The following AFG3L2 variants were observed in gnomAD, a reference collection of about 807,000 sequenced individuals.
The protein encoded by AFG3L2 is mitochondrial inner membrane m-AAA protease component AFG3L2.
In AFG3L2, 54 loss-of-function variants were observed where a neutral mutation model predicts 94.5. The ratio of observed to expected loss-of-function variants is 0.57; its 90% CI spans 0.46 to 0.72. The LOEUF (loss-of-function observed/expected upper bound fraction) is 0.72. Ranked by LOEUF, AFG3L2 falls within the 30% of genes least tolerant of loss-of-function variation. The pLI, the probability that AFG3L2 is intolerant of heterozygous loss-of-function variation, is 0.00. For synonymous variants in AFG3L2, 377 were observed against 365.5 expected (o/e 1.03, Z -0.36); for missense variants, 754 against 994.9 (o/e 0.76, Z 3.26).
intron 16 of AFG3L2, among the ~76,000 whole-genome samples, chr18:12,336,592 T>C (rs778334585): frequency 4.6e-5 from 7 of 152,330 alleles, no homozygotes; most frequent in African/African-American, 1.4e-4. Context: ...CTTTCTCTAC[T>C]GCAATTCCCC....
In AFG3L2 at chr18:12,337,495, G is replaced by T. The variant is rs1159411980; in HGVS notation, c.2021C>A (p.Ser674Tyr). The change falls in exon 16 of 17, where the codon TCC (serine) becomes TAC (tyrosine). Residue 674 changes from serine (S) to tyrosine (Y), a missense_variant. By Grantham distance (144) the Ser-to-Tyr change is moderately radical. Around this residue, in one of 4 missense-constraint regions of AFG3L2, gnomAD observed 279 missense variants for 378.6 expected, o/e 0.74. Coordinates refer to ENST00000269143, the MANE Select transcript of AFG3L2 (RefSeq NM_006796.3). ...FGMNEKVGQISFDLPRQGDMV... is the reference protein window; with the variant it reads ...FGMNEKVGQIYFDLPRQGDMV... ...GTCCCCCTGACGTGGGAGGTCAAAG[G>T]AGATTTGCCCAACCTTTTCATTCAT... 17 of 1,614,100 alleles carry T rather than the reference G, an allele frequency of 1.1e-5. No homozygotes were observed. Among genetic ancestry groups the T allele is most frequent in the Non-Finnish European group, 1.4e-5 (17 of 1,180,046 alleles).
intron 9 of AFG3L2, 52 bp from the exon 10 acceptor site, chr18:12,353,210 CTGAATAAGAAA>C (rs1245512293): frequency 6.2e-7 from 1 of 1,606,278 alleles, no homozygotes; most frequent in Non-Finnish European, 8.5e-7. Context: ...TATGTATTCT[CTGAATAAGAAA>C]TGAAATAAAT....
intron 6 of AFG3L2, among the ~76,000 whole-genome samples, 166 bp downstream of exon 6, chr18:12,363,616 C>T (rs983030987): frequency 9.2e-5 from 14 of 152,152 alleles, no homozygotes; most frequent in African/African-American, 3.1e-4. Flanking sequence ...CCATACACAA[C>T]ATTCCCATTT....
chr18:12,374,920 G>A (rs1447386542), intron 1 of AFG3L2, among the ~76,000 whole-genome samples: 1 of 152,000 alleles, frequency 6.6e-6, no homozygotes, highest in Non-Finnish European at 1.5e-5. Flanking sequence ...GCCAGGCGTA[G>A]TGGCGGGCGC....
chr18:12,356,298 T>G (rs111435245), intron 9 of AFG3L2, among the ~76,000 whole-genome samples: 1 of 152,090 alleles, frequency 6.6e-6, no homozygotes, highest in Non-Finnish European at 1.5e-5. Context: ...ATTATAGGCA[T>G]GCGCGACCAC....
At position 12,366,957 on chromosome 18, in the gene AFG3L2, ATACT is replaced by A. The variant is rs1460794862; in HGVS notation, c.552+4_552+7del. 6.2e-7 allele frequency: 1 copy of A among 1,614,132 alleles called. No individual in the cohort carries two copies. The highest frequency in any genetic ancestry group is 8.5e-7 in the Non-Finnish European group (1 of 1,179,986). On this transcript the variant is annotated splice_donor_5th_base_variant and intron_variant, in intron 5 of 16. Coordinates refer to ENST00000269143, the MANE Select transcript of AFG3L2 (RefSeq NM_006796.3). ...CCACAACAGCCACCAATCCCATAAA[ATACT>A]TACTACTCCTTTTGAAAGATAGTTA...
intron 2 of AFG3L2, among the ~76,000 whole-genome samples, 184 bp from the exon 3 acceptor site, chr18:12,371,110 C>T (rs974568537): frequency 6.6e-6 from 1 of 151,912 alleles, no homozygotes. Context: ...GTCAGGAGTT[C>T]GAGACCAGCC....
chr18:12,364,552 A>G (rs1334277485), intron 5 of AFG3L2, among the ~76,000 whole-genome samples: 1 of 152,210 alleles, frequency 6.6e-6, no homozygotes, highest in Non-Finnish European at 1.5e-5. Context: ...TATAGGACAT[A>G]GCCTATCGCT....
chr18:12,348,424 C>A lies in AFG3L2; in HGVS notation c.1553-41G>T, dbSNP rs750957763. 6 of 1,503,940 alleles carry A rather than the reference C, an allele frequency of 4.0e-6. No individual in the cohort carries two copies. The African/African-American group carries it at 8.3e-5, about 21-fold the overall frequency. 93.2% of individuals were successfully genotyped at this position (1,503,940 alleles called of 1,614,324 possible). A position where few individuals can be genotyped will look rare whatever the true frequency, so the allele number is the denominator to read the frequency against. On this transcript the variant is annotated intron_variant, in intron 12 of 16. Transcript: ENST00000269143. ...AGAACAGCTTACCCACCGAAATACG[C>A]CCAAACTGATCAGTCACACAATATG... is the stretch of plus-strand genomic sequence containing the variant.
rs754307169 is a variant in AFG3L2, at chr18:12,337,412, G to A, written c.2104C>T (p.Arg702Ter). 14 of 1,613,850 alleles carry A rather than the reference G, an allele frequency of 8.7e-6. No homozygotes were observed. The highest frequency in any genetic ancestry group is 2.2e-5 in the East Asian group (1 of 44,886). ...ATARLIDDEV[R>*]ILINDAYKRT... is the part of the protein sequence containing the mutation. ...TTATAAGCATCATTAATAAGTATTC[G>A]TACTTCATCATCTATCAATCTTGCA... Residue 702 changes from arginine to a stop codon, truncating the protein, a stop_gained, in exon 16 of 17, where the codon CGA becomes TGA. Coordinates refer to ENST00000269143, the MANE Select transcript of AFG3L2 (RefSeq NM_006796.3). LOFTEE classifies it high-confidence loss of function.
intron 5 of AFG3L2, 120 bp from the exon 6 acceptor site, chr18:12,363,976 T>A: frequency 3.7e-6 from 3 of 810,898 alleles, no homozygotes; most frequent in South Asian, 1.4e-5. Context: ...AAGAATCAGA[T>A]AAAGATGCCC....
intron 9 of AFG3L2, 130 bp from the exon 10 acceptor site, chr18:12,353,288 G>A (rs1908380385): frequency 9.1e-7 from 1 of 1,104,236 alleles, no homozygotes; most frequent in Admixed American, 2.0e-5. Flanking sequence ...GCCGAGGCTG[G>A]TGGATCACCT....
intron 14 of AFG3L2, 56 bp downstream of exon 14, chr18:12,344,076 C>A (rs1422975686): frequency 4.9e-6 from 7 of 1,428,356 alleles, no homozygotes; most frequent in South Asian, 1.1e-5. Flanking sequence ...TGAGTGACTG[C>A]AGCGAGCATC....
Position 12,358,963 on chromosome 18 carries a change from C to A in AFG3L2, c.753-20G>T, listed in dbSNP as rs1419231346. ...AAAGAGCTGGGGACACACAGCGCAA[C>A]ACGGGTTAGGACTGGCTGCTCACCT... On this transcript the variant is annotated intron_variant, in intron 7 of 16. Coordinates refer to ENST00000269143, the MANE Select transcript of AFG3L2 (RefSeq NM_006796.3). 1.2e-6 allele frequency: 2 copies of A among 1,602,550 alleles called. No individual in the cohort carries two copies. Among genetic ancestry groups the A allele is most frequent in the Admixed American group, 3.5e-5 (2 of 56,982 alleles).
intron 8 of AFG3L2, among the ~76,000 whole-genome samples, 185 bp downstream of exon 8, chr18:12,358,485 T>C (rs1232740424): frequency 6.6e-6 from 1 of 152,106 alleles, no homozygotes; most frequent in African/African-American, 2.4e-5. Context: ...ACATACACTA[T>C]ACAAGACACA....
At chr18:12,346,001 C>A (rs1391099837) in intron 13 of AFG3L2, among the ~76,000 whole-genome samples, 2 of 152,194 alleles carry the variant, frequency 1.3e-5, no homozygotes, top group Non-Finnish European at 2.9e-5. Flanking sequence ...GTACCCTCTA[C>A]TCAGATGAAC....
At chr18:12,359,028 A>G (rs1449372217) in intron 7 of AFG3L2, 85 bp from the exon 8 acceptor site, 13 of 1,532,122 alleles carry the variant, frequency 8.5e-6, no homozygotes, top group Non-Finnish European at 1.2e-5. Context: ...ATATAAATAT[A>G]TATAGCTACA....
At chr18:12,337,022 C>T (rs1907763466) in intron 16 of AFG3L2, 2 of 522,522 alleles carry the variant, frequency 3.8e-6, no homozygotes, top group Admixed American at 3.4e-5. Context: ...GGCAATCATG[C>T]TTCTCATTAG....
chr18:12,329,679 C>A lies in AFG3L2; in HGVS notation c.2280G>T (p.Val760=). ...FAEKSTYEEF[V]EGTGSLDEDT... is the part of the protein sequence containing the mutation. Reference sequence around the variant, plus strand: ...CCTCATCCAAGCTGCCAGTGCCTTCCACAAATTCTTCATAGGTAGATTTTT... The same window carrying A: ...CCTCATCCAAGCTGCCAGTGCCTTCAACAAATTCTTCATAGGTAGATTTTT... The change falls in exon 17 of 17, where the codon GTG becomes GTT. Residue 760 remains valine (V), a synonymous_variant. Transcript: ENST00000269143. 1.2e-6 allele frequency: 2 copies of A among 1,614,148 alleles called. No homozygotes were observed. The highest frequency in any genetic ancestry group is 1.7e-6 in the Non-Finnish European group (2 of 1,180,032).
Sources: allele counts gnomAD v4.1 joint callset (sites outside exome capture counted in the v4.1 genomes callset), GRCh38; gene constraint gnomAD v4.1.1; regional missense constraint gnomAD v4.1.1; transcripts MANE v1.5; gene names NCBI Gene and HGNC (gene_info 2026-07-23, HGNC 2026-07-21).